Variants in FRMD4B observed in about 807,000 individuals in gnomAD.
FRMD4B encodes the protein FERM domain-containing protein 4B.
Under a neutral mutation model 141.5 loss-of-function variants are expected in FRMD4B, and 74 were observed. The observed-to-expected ratio is 0.52, with a 90% CI of 0.43 to 0.63. The LOEUF (loss-of-function observed/expected upper bound fraction) is 0.63, where lower values mean the gene tolerates loss of function less well. Among genes scored for constraint, FRMD4B ranks in the 30% least tolerant of loss-of-function variants. FRMD4B has a pLI of 0.00. For synonymous variants in FRMD4B, 506 were observed against 467.9 expected, an observed-to-expected ratio of 1.08 and a Z score of -1.05; for missense variants, 1,366 against 1,253.4, an observed-to-expected ratio of 1.09 and a Z score of -1.36.
intron 1 of FRMD4B, among the ~76,000 whole-genome samples, chr3:69,514,118 C>G (rs1038044926): frequency 6.6e-6 from 1 of 152,152 alleles, no homozygotes; most frequent in African/African-American, 2.4e-5. Flanking sequence ...AAAATGGTCT[C>G]TGATCACAGA....
intron 11 of FRMD4B, among the ~76,000 whole-genome samples, chr3:69,207,636 C>T (rs1029935818): frequency 2.6e-5 from 4 of 151,980 alleles, no homozygotes; most frequent in Non-Finnish European, 5.9e-5. Context: ...GGTGAAACCC[C>T]GTCTCTACTA....
At chr3:69,525,086 C>T (rs1038721141) in intron 1 of FRMD4B, among the ~76,000 whole-genome samples, 38 of 152,130 alleles carry the variant, frequency 2.5e-4, no homozygotes, top group African/African-American at 7.5e-4. Context: ...GCAACTGGGG[C>T]AGTGTTCAGT....
chr3:69,253,224 G>A (rs935732834), intron 5 of FRMD4B, among the ~76,000 whole-genome samples: 1 of 132,304 alleles, frequency 7.6e-6, no homozygotes, highest in Admixed American at 8.5e-5. Context: ...GGGAGGCAAT[G>A]AGGATCAGGA....
At chr3:69,304,000 T>G (rs80093533) in intron 3 of FRMD4B, among the ~76,000 whole-genome samples, 2 of 151,732 alleles carry the variant, frequency 1.3e-5, no homozygotes, top group Non-Finnish European at 2.9e-5. Flanking sequence ...TTAAAAAAAG[T>G]ACAGGGTCGG....
Position 69,313,499 on chromosome 3 carries a change from A to G in FRMD4B, c.181T>C (p.Cys61Arg). Residue 61 changes from cysteine (C) to arginine (R), a missense_variant, in exon 2 of 23, where the codon TGC (cysteine) becomes CGC (arginine). Coordinates refer to ENST00000398540, the MANE Select transcript of FRMD4B (RefSeq NM_015123.3). The stretch of plus-strand genomic sequence containing the variant: ...CTATCATCCAGGAGGTGCACCTGGC[A>G]GTGCCTGCCTTCTGTCATCTGCAGG... Reference protein sequence around the residue: ...DVYQMTEGRHCQVHLLDDRRL... With the variant: ...DVYQMTEGRHRQVHLLDDRRL... 6.4e-7 allele frequency: 1 copy of G among 1,569,986 alleles called. No homozygotes were observed. The highest frequency in any genetic ancestry group is 8.6e-7 in the Non-Finnish European group (1 of 1,156,168).
intron 1 of FRMD4B, among the ~76,000 whole-genome samples, chr3:69,478,960 T>C (rs1706058577): frequency 6.9e-6 from 1 of 145,746 alleles, no homozygotes; most frequent in African/African-American, 2.6e-5. Context: ...CATTATGTAA[T>C]GGCCTTCTTT....
At chr3:69,206,890 A>G (rs1268995874) in intron 11 of FRMD4B, among the ~76,000 whole-genome samples, 4 of 152,058 alleles carry the variant, frequency 2.6e-5, no homozygotes, top group South Asian at 2.1e-4. Flanking sequence ...AATCAGGTAC[A>G]TGGCACTCTA....
chr3:69,190,465 A>G (rs57396300), intron 17 of FRMD4B, among the ~76,000 whole-genome samples: 9,839 of 149,876 alleles, frequency 0.066, 770 homozygotes, highest in East Asian at 0.32. Flanking sequence ...CCCAGGCTGG[A>G]GTGCAATGGT....
intron 4 of FRMD4B, among the ~76,000 whole-genome samples, chr3:69,300,945 AG>A (rs1430262660): frequency 6.6e-6 from 1 of 152,154 alleles, no homozygotes; most frequent in Non-Finnish European, 1.5e-5. Context: ...CATGTTGGCC[AG>A]GCTGGTCTCA....
At chr3:69,288,010 T>G (rs73838338) in intron 4 of FRMD4B, among the ~76,000 whole-genome samples, 174 bp from the exon 5 acceptor site, 1 of 152,226 alleles carries the variant, frequency 6.6e-6, no homozygotes, top group Non-Finnish European at 1.5e-5. Flanking sequence ...TGGATGTATG[T>G]GTATGTATAC....
chr3:69,237,922 G>A (rs970061873), intron 7 of FRMD4B, among the ~76,000 whole-genome samples: 1 of 152,170 alleles, frequency 6.6e-6, no homozygotes, highest in African/African-American at 2.4e-5. Flanking sequence ...ACTAGAGACA[G>A]GGTTTCACCA....
chr3:69,214,510 A>T (rs1698481574), intron 11 of FRMD4B, among the ~76,000 whole-genome samples: 1 of 152,118 alleles, frequency 6.6e-6, no homozygotes, highest in African/African-American at 2.4e-5. Flanking sequence ...ATCTATATGG[A>T]TTCTTCAACT....
intron 1 of FRMD4B, among the ~76,000 whole-genome samples, chr3:69,529,565 C>T (rs970981435): frequency 3.3e-5 from 5 of 152,194 alleles, no homozygotes; most frequent in African/African-American, 1.2e-4. Context: ...CTCCTCTCCA[C>T]ACCCATCCTC....
intron 1 of FRMD4B, among the ~76,000 whole-genome samples, chr3:69,341,996 A>G (rs1003890166): frequency 1.8e-4 from 28 of 152,154 alleles, no homozygotes; most frequent in African/African-American, 6.5e-4. Flanking sequence ...GTTTCTCACC[A>G]TTTCTCTGAA....
intron 5 of FRMD4B, among the ~76,000 whole-genome samples, chr3:69,257,889 C>T (rs925376170): frequency 2.0e-5 from 3 of 152,158 alleles, no homozygotes; most frequent in East Asian, 1.9e-4. Context: ...TGCAATGGTG[C>T]GATCTCAGCT....
intron 7 of FRMD4B, among the ~76,000 whole-genome samples, chr3:69,246,825 T>C (rs6799790): frequency 5.5e-4 from 84 of 152,282 alleles, no homozygotes; most frequent in African/African-American, 2.0e-3. Context: ...CAAGCTCGAG[T>C]GAAGGCAAAG....
At chr3:69,212,359 C>CAAAAAAAAAAAAA (rs869309749) in intron 11 of FRMD4B, among the ~76,000 whole-genome samples, 21 of 25,312 alleles carry the variant, frequency 8.3e-4, no homozygotes, top group Middle Eastern at 0.071. Context: ...AACCCCGTCT[C>CAAAAAAAAAAAAA]AAAAAAAAAA....
intron 2 of FRMD4B, among the ~76,000 whole-genome samples, chr3:69,422,333 G>A (rs1463837049): frequency 2.7e-5 from 4 of 149,494 alleles, no homozygotes; most frequent in East Asian, 2.0e-4. Flanking sequence ...GTTGTAGTGC[G>A]TTGAGATCAT....
chr3:69,462,043 G>A (rs1291000136), intron 1 of FRMD4B, among the ~76,000 whole-genome samples: 1 of 152,176 alleles, frequency 6.6e-6, no homozygotes, highest in African/African-American at 2.4e-5. Flanking sequence ...TCCTGAGGTT[G>A]GGTCTTTCAA....
Sources: allele counts gnomAD v4.1 joint callset (sites outside exome capture counted in the v4.1 genomes callset), GRCh38; gene constraint gnomAD v4.1.1; transcripts MANE v1.5; gene names NCBI Gene and HGNC (gene_info 2026-07-23, HGNC 2026-07-21).